The following CFAP77 variants were observed in gnomAD, a reference collection of about 807,000 sequenced individuals.
The protein encoded by CFAP77 is cilia- and flagella-associated protein 77.
In CFAP77, 25 loss-of-function variants were observed where a neutral mutation model predicts 31.1. The observed-to-expected ratio is 0.80, with a 90% CI of 0.59 to 1.12. The LOEUF is 1.12. Among genes scored for constraint, CFAP77 ranks in the 50% most tolerant of loss-of-function variants. CFAP77 has a pLI of 0.00. For missense variants in CFAP77, 377 were observed against 397.3 expected (o/e 0.95, Z 0.44); for synonymous variants, 151 against 159.9 (o/e 0.94, Z 0.42).
chr9:132,466,236 A>G (rs1851148855), intron 1 of CFAP77, among the ~76,000 whole-genome samples: 2 of 152,182 alleles, frequency 1.3e-5, no homozygotes, highest in African/African-American at 4.8e-5. Flanking sequence ...CCTGGCTGAC[A>G]TGAGCATTTT....
At chr9:132,537,274 C>T (rs924341385) in intron 3 of CFAP77, among the ~76,000 whole-genome samples, 85 of 152,046 alleles carry the variant, frequency 5.6e-4, no homozygotes, top group African/African-American at 2.0e-3. Context: ...GGGGAATCAA[C>T]GTAGCGGGAC....
At position 132,516,839 on chromosome 9, in the gene CFAP77, G is replaced by C. The variant is rs747122493; in HGVS notation, c.524+17239G>C. ...AAAAATAGATTTAGTGGTAGCTTTG[G>C]TACCCACGGGCAATGTTATAATCGC... On this transcript the variant is annotated intron_variant, in intron 3 of 5. Coordinates refer to ENST00000393216, the MANE Select transcript of CFAP77 (RefSeq NM_001282957.2). Among the ~76,000 whole-genome samples, 3 of 152,182 alleles carry C rather than the reference G, an allele frequency of 2.0e-5. No individual in the cohort carries two copies. The South Asian group carries it at 6.2e-4, about 32-fold the overall frequency.
rs534178017 is a variant in CFAP77 at position 132,500,997 on chromosome 9, C to G, written c.524+1397C>G. On this transcript the variant is annotated intron_variant, in intron 3 of 5. Coordinates refer to ENST00000393216, the MANE Select transcript of CFAP77 (RefSeq NM_001282957.2). The stretch of plus-strand genomic sequence containing the variant: ...TCTTCCAGAATTGGCCCTTCCCAAG[C>G]CACCTTCCACATTACTCCAGAGTTA... Among the ~76,000 whole-genome samples the G allele has an allele frequency of 1.6e-4, 25 of 152,374 alleles. No homozygotes were observed. In the South Asian group the frequency reaches 4.6e-3, roughly 28 times the overall value.
intron 3 of CFAP77, among the ~76,000 whole-genome samples, chr9:132,522,875 G>A (rs1481351313): frequency 2.0e-5 from 3 of 152,308 alleles, no homozygotes; most frequent in South Asian, 2.1e-4. Flanking sequence ...CGAGTCTGGG[G>A]ACCGGAATTC....
At position 132,499,321 on chromosome 9, in the gene CFAP77, G is replaced by A. The variant is rs139567027; in HGVS notation, c.296-51G>A. The A allele has an allele frequency of 3.5e-4, 543 of 1,545,216 alleles. 4 individuals are homozygous for A. In the African/African-American group the frequency reaches 6.5e-3, roughly 19 times the overall value. On this transcript the variant is annotated intron_variant, in intron 2 of 5. Coordinates refer to ENST00000393216, the MANE Select transcript of CFAP77 (RefSeq NM_001282957.2). This position sits in a 1 kb window ranked among gnomAD's most constrained non-coding sequence, Gnocchi z 5.4. ...TTTCTTCTCGATCAGCTGCCTCAGG[G>A]TGCTTACTCCCAGGCTGACCACTGC...
intron 1 of CFAP77, among the ~76,000 whole-genome samples, chr9:132,414,099 A>G (rs1383267118): frequency 6.6e-6 from 1 of 152,248 alleles, no homozygotes; most frequent in Non-Finnish European, 1.5e-5. Context: ...TTTGGCCACA[A>G]CATATGATTA....
intron 5 of CFAP77, among the ~76,000 whole-genome samples, chr9:132,561,234 A>G (rs1238716404): frequency 6.6e-6 from 1 of 152,144 alleles, no homozygotes; most frequent in Non-Finnish European, 1.5e-5. Flanking sequence ...CAGCCTCTCA[A>G]TCTTTTAAAG....
rs1850272727 is a variant in CFAP77 at position 132,424,032 on chromosome 9, C to T, written c.195+13566C>T. ...ACAGTCTAGTTGGGCAGAAAATTCACATCACACACGTGCACCTACGGCCAG... is the reference window on the plus strand; with the variant it reads ...ACAGTCTAGTTGGGCAGAAAATTCATATCACACACGTGCACCTACGGCCAG... On this transcript the variant is annotated intron_variant, in intron 1 of 5. Transcript: ENST00000393216. The surrounding 1 kb of genome is among the most constrained non-coding windows in gnomAD (Gnocchi z 4.1). 6.6e-6 allele frequency among the ~76,000 whole-genome samples: 1 copy of T among 152,200 alleles called. No homozygotes were observed. Among genetic ancestry groups the T allele is most frequent in the East Asian group, 1.9e-4 (1 of 5,204 alleles).
At chr9:132,459,607 ATG>A (rs372421842) in intron 1 of CFAP77, among the ~76,000 whole-genome samples, 10,986 of 149,344 alleles carry the variant, frequency 0.074, 378 homozygotes, top group Middle Eastern at 0.11. Flanking sequence ...ATGCCTGTAT[ATG>A]TGTGTGTATG....
rs151115288 is a variant in CFAP77, at chr9:132,433,045, C to T, written c.195+22579C>T. ...CGTATTTTTAGTAGAGATGGGGTTT[C>T]GCTATGTTGCCCAGGCTGGTCTCAA... On this transcript the variant is annotated intron_variant, in intron 1 of 5. Coordinates refer to ENST00000393216, the MANE Select transcript of CFAP77 (RefSeq NM_001282957.2). Among the ~76,000 whole-genome samples the T allele has an allele frequency of 1.0e-3, 152 of 151,972 alleles. 3 individuals are homozygous for T. In the East Asian group the frequency reaches 0.026, roughly 26 times the overall value.
chr9:132,515,157 G>A (rs191505180), intron 3 of CFAP77, among the ~76,000 whole-genome samples: 4 of 152,324 alleles, frequency 2.6e-5, no homozygotes, highest in Admixed American at 2.6e-4. Flanking sequence ...CCATCCCCAG[G>A]CCCAGAAAGC....
chr9:132,544,156 G>GC (rs59505710), intron 5 of CFAP77, among the ~76,000 whole-genome samples: 8 of 152,054 alleles, frequency 5.3e-5, no homozygotes, highest in Non-Finnish European at 8.8e-5. Context: ...AACCTGCTCT[G>GC]CCCCCCCTTG....
chr9:132,431,866 G>A (rs947374061), intron 1 of CFAP77, among the ~76,000 whole-genome samples: 36 of 152,106 alleles, frequency 2.4e-4, no homozygotes, highest in Admixed American at 4.6e-4. Flanking sequence ...GTACATCTCA[G>A]TGAATCCCAA....
chr9:132,516,735 C>A (rs534790259), intron 3 of CFAP77, among the ~76,000 whole-genome samples: 1 of 152,140 alleles, frequency 6.6e-6, no homozygotes, highest in East Asian at 1.9e-4. Flanking sequence ...GGGTAAGGGG[C>A]ACGTGGGATC....
chr9:132,459,764 A>G (rs111207595), intron 1 of CFAP77, among the ~76,000 whole-genome samples: 2 of 145,464 alleles, frequency 1.4e-5, no homozygotes, highest in Non-Finnish European at 3.0e-5. Context: ...ATGTGTGTGT[A>G]TGAGTGTGTG....
At chr9:132,430,113 G>C (rs1422345045) in intron 1 of CFAP77, among the ~76,000 whole-genome samples, 2 of 151,998 alleles carry the variant, frequency 1.3e-5, no homozygotes, top group South Asian at 2.1e-4. Context: ...TATTTCTGGT[G>C]GTGGTTTCCT....
At chr9:132,413,420 C>T (rs2885495) in intron 1 of CFAP77, among the ~76,000 whole-genome samples, 76,997 of 152,092 alleles carry the variant, frequency 0.51, 23,485 homozygotes, top group Non-Finnish European at 0.67. Context: ...TACATGGCCA[C>T]AAAAGATGTA....
intron 1 of CFAP77, chr9:132,482,315 CG>C: frequency 6.2e-7 from 1 of 1,613,084 alleles, no homozygotes; most frequent in Non-Finnish European, 8.5e-7. Flanking sequence ...CGTAGGCTGC[CG>C]GCCCGGCCTC....
At chr9:132,422,877 A>T (rs1850245729) in intron 1 of CFAP77, among the ~76,000 whole-genome samples, 2 of 152,228 alleles carry the variant, frequency 1.3e-5, no homozygotes, top group African/African-American at 4.8e-5. Flanking sequence ...TGTTAGTTGC[A>T]TCCTGGTCCC....
Sources: allele counts gnomAD v4.1 joint callset (sites outside exome capture counted in the v4.1 genomes callset), GRCh38; gene constraint gnomAD v4.1.1; non-coding constraint Gnocchi (gnomAD v3.1); transcripts MANE v1.5; gene names NCBI Gene and HGNC (gene_info 2026-07-23, HGNC 2026-07-21).